MTUS2: variants seen among roughly 807,000 people sequenced by gnomAD.
MTUS2 encodes microtubule-associated tumor suppressor candidate 2.
Under a neutral mutation model 114.1 loss-of-function variants are expected in MTUS2, and 40 were observed. That is an observed-to-expected ratio of 0.35 (90% CI 0.27 to 0.46). The LOEUF is 0.46. MTUS2 is among the 20% of genes least tolerant of loss of function. The pLI is 1.00. For missense variants in MTUS2, 1,679 were observed against 1,705.4 expected (o/e 0.98, Z 0.27); for synonymous variants, 688 against 672.0 (o/e 1.02, Z -0.37).
At chr13:29,353,869 AGTTCTGTCCC>A in intron 7 of MTUS2, among the ~76,000 whole-genome samples, 1 of 152,248 alleles carries the variant, frequency 6.6e-6, no homozygotes, top group Admixed American at 6.5e-5. Flanking sequence ...TCCTTGGCAG[AGTTCTGTCCC>A]CATCCTGAGA....
intron 8 of MTUS2, among the ~76,000 whole-genome samples, chr13:29,394,403 G>A (rs1003177765): frequency 5.3e-5 from 8 of 152,304 alleles, no homozygotes; most frequent in Admixed American, 2.0e-4. Context: ...TTGGCAATTG[G>A]TTGAAAGAGT....
intron 5 of MTUS2, among the ~76,000 whole-genome samples, chr13:29,243,298 A>C (rs1352475620): frequency 6.6e-6 from 1 of 152,202 alleles, no homozygotes. Context: ...CTCCACACCC[A>C]GAAGAAACAT....
rs142675081 is a variant in MTUS2, at chr13:29,013,656, A to C, written c.-242-10801A>C. On this transcript the variant is annotated intron_variant, in intron 2 of 15. Transcript: ENST00000612955. ...AAAAGGAAATGGGTAGCTAGGGTTAAAGGGGACATGTAACTCTGGCATCAC... is the reference window on the plus strand; with the variant it reads ...AAAAGGAAATGGGTAGCTAGGGTTACAGGGGACATGTAACTCTGGCATCAC... 6.6e-5 allele frequency among the ~76,000 whole-genome samples: 10 copies of C among 152,356 alleles called. No homozygotes were observed. The East Asian group carries it at 1.9e-3, about 29-fold the overall frequency.
chr13:28,908,117 G>C (rs1330336311), intron 2 of MTUS2, among the ~76,000 whole-genome samples: 1 of 151,012 alleles, frequency 6.6e-6, no homozygotes, highest in Non-Finnish European at 1.5e-5. Context: ...ACCAAATTTG[G>C]GATATTTTCA....
At chr13:28,903,544 G>T (rs1454834946) in intron 2 of MTUS2, among the ~76,000 whole-genome samples, 1 of 151,306 alleles carries the variant, frequency 6.6e-6, no homozygotes, top group African/African-American at 2.4e-5. Flanking sequence ...ATAGTTTGCT[G>T]AGAATGATGG....
At chr13:28,989,594 G>A (rs970378496) in intron 2 of MTUS2, among the ~76,000 whole-genome samples, 2 of 152,172 alleles carry the variant, frequency 1.3e-5, no homozygotes, top group African/African-American at 4.8e-5. Context: ...GGTGAGGGTT[G>A]GGTCTTCTGC....
intron 8 of MTUS2, among the ~76,000 whole-genome samples, chr13:29,389,305 G>GTA (rs1173601094): frequency 7.0e-6 from 1 of 143,662 alleles, no homozygotes; most frequent in African/African-American, 2.8e-5. Context: ...GTGTATATGT[G>GTA]TATATATGTA....
intron 5 of MTUS2, among the ~76,000 whole-genome samples, chr13:29,261,897 A>G (rs143680967): frequency 5.4e-4 from 75 of 139,108 alleles, no homozygotes; most frequent in Non-Finnish European, 9.3e-4. Flanking sequence ...TAATTGATAT[A>G]AAAGAGGAAT....
At chr13:29,376,025 G>A (rs1369806656) in intron 8 of MTUS2, among the ~76,000 whole-genome samples, 13 of 24,514 alleles carry the variant, frequency 5.3e-4, no homozygotes, top group African/African-American at 8.0e-4. Flanking sequence ...ATGTATGTGT[G>A]TGTATATATA....
At chr13:28,997,338 G>C (rs1381586075) in intron 2 of MTUS2, among the ~76,000 whole-genome samples, 2 of 151,882 alleles carry the variant, frequency 1.3e-5, no homozygotes, top group Non-Finnish European at 2.9e-5. Flanking sequence ...TTTGGGATAG[G>C]TGTGGTGCTG....
chr13:28,828,613 C>T (rs775368689), intron 1 of MTUS2, among the ~76,000 whole-genome samples: 41 of 152,180 alleles, frequency 2.7e-4, no homozygotes, highest in East Asian at 1.4e-3. Flanking sequence ...TGGCTTCAGC[C>T]GGTCCCTCCG....
chr13:29,252,849 C>T (rs192654442), intron 5 of MTUS2, among the ~76,000 whole-genome samples: 62 of 152,228 alleles, frequency 4.1e-4, no homozygotes, highest in Middle Eastern at 3.4e-3. Flanking sequence ...ACCTGCCTTT[C>T]GCCTTTTGCC....
chr13:29,399,504 A>G (rs985296450), intron 8 of MTUS2, among the ~76,000 whole-genome samples: 3 of 152,238 alleles, frequency 2.0e-5, no homozygotes, highest in African/African-American at 7.2e-5. Context: ...ATCAAAAATT[A>G]TCAAAGAATC....
intron 5 of MTUS2, among the ~76,000 whole-genome samples, chr13:29,249,761 G>A (rs914669763): frequency 2.0e-5 from 3 of 152,100 alleles, no homozygotes; most frequent in South Asian, 4.1e-4. Context: ...TAGGTTGCCT[G>A]TTCACTCTGA....
At chr13:28,943,523 AC>A (rs1882358016) in intron 2 of MTUS2, among the ~76,000 whole-genome samples, 1 of 152,202 alleles carries the variant, frequency 6.6e-6, no homozygotes, top group South Asian at 2.1e-4. Flanking sequence ...CGTTTACAGA[AC>A]ATTTCCATCA....
At chr13:29,152,208 TA>T (rs571225635) in intron 5 of MTUS2, among the ~76,000 whole-genome samples, 298 of 152,238 alleles carry the variant, frequency 2.0e-3, no homozygotes, top group South Asian at 2.5e-3. Context: ...AAAATAGTAC[TA>T]AATAATCACC....
intron 2 of MTUS2, among the ~76,000 whole-genome samples, chr13:29,002,755 A>G (rs1885440051): frequency 6.6e-6 from 1 of 152,210 alleles, no homozygotes. Context: ...ATTACTTTTG[A>G]TGCACTCTTT....
At chr13:29,398,412 A>G (rs2138477580) in intron 8 of MTUS2, among the ~76,000 whole-genome samples, 1 of 151,680 alleles carries the variant, frequency 6.6e-6, no homozygotes, top group South Asian at 2.1e-4. Context: ...CAGTAAGCAG[A>G]GATCACACCA....
At chr13:29,319,985 C>T (rs1900185259) in intron 6 of MTUS2, among the ~76,000 whole-genome samples, 1 of 152,168 alleles carries the variant, frequency 6.6e-6, no homozygotes, top group African/African-American at 2.4e-5. Context: ...GACAGGGAAG[C>T]TGCAGTACGC....
Sources: allele counts gnomAD v4.1 joint callset (sites outside exome capture counted in the v4.1 genomes callset), GRCh38; gene constraint gnomAD v4.1.1; transcripts MANE v1.5; gene names NCBI Gene and HGNC (gene_info 2026-07-23, HGNC 2026-07-21).